Variants in PSMD3 observed in about 807,000 individuals in gnomAD.
The protein encoded by PSMD3 is proteasome 26S subunit, non-ATPase 3.
In PSMD3, 5 loss-of-function variants were observed where a neutral mutation model predicts 62.8. The ratio of observed to expected loss-of-function variants is 0.08; its 90% CI spans 0.04 to 0.17. The LOEUF (loss-of-function observed/expected upper bound fraction) is 0.17, where lower values mean the gene tolerates loss of function less well. Ranked by LOEUF, PSMD3 falls within the 10% of genes least tolerant of loss-of-function variation. PSMD3 has a pLI of 1.00. For missense variants in PSMD3, 524 were observed against 713.6 expected (o/e 0.73, Z 3.03); for synonymous variants, 265 against 283.9 (o/e 0.93, Z 0.67).
In PSMD3 at chr17:39,997,374, T is replaced by C. The variant is rs147851424; in HGVS notation, c.1521T>C (p.Ser507=). ...AATCGTACAACAAGGACTTGGAGTC[T>C]GCAGAGGTAAGCTCTCTGCTTTCTG... is the stretch of plus-strand genomic sequence containing the variant. ...PPKSYNKDLE[S]AEERREREQQ... is the part of the protein sequence containing the mutation. Residue 507 remains serine (S), a synonymous_variant, in exon 11 of 12, where the codon TCT becomes TCC. Coordinates refer to ENST00000264639, the MANE Select transcript of PSMD3 (RefSeq NM_002809.4). The C allele has an allele frequency of 8.7e-6, 14 of 1,614,068 alleles. No individual in the cohort carries two copies. The highest frequency in any genetic ancestry group is 4.5e-5 in the East Asian group (2 of 44,902).
chr17:39,983,180 C>T (rs1980428961), intron 1 of PSMD3, among the ~76,000 whole-genome samples: 1 of 152,030 alleles, frequency 6.6e-6, no homozygotes, highest in Admixed American at 6.6e-5. Context: ...TTACGGTCAC[C>T]CACCACCACG....
At chr17:39,988,438 T>G (rs1418779426) in intron 3 of PSMD3, among the ~76,000 whole-genome samples, 2 of 152,224 alleles carry the variant, frequency 1.3e-5, no homozygotes, top group East Asian at 1.9e-4. Context: ...CTGAGTAATA[T>G]TCCCTCGTGT....
At chr17:39,994,116 T>C (rs1182033186) in intron 6 of PSMD3, 6 of 152,176 alleles carry the variant, frequency 3.9e-5, no homozygotes, top group Admixed American at 6.6e-5. Context: ...AATTAACCAT[T>C]TCCAGGGATT....
In PSMD3 at chr17:39,997,507, C is replaced by T. The variant is rs1479095083; in HGVS notation, c.1531C>T (p.Arg511Trp). 9 of 1,610,246 alleles carry T rather than the reference C, an allele frequency of 5.6e-6. No individual in the cohort carries two copies. The highest frequency in any genetic ancestry group is 5.3e-5 in the African/African-American group (4 of 74,778). The change falls in exon 12 of 12, where the codon CGG becomes TGG. Residue 511 changes from arginine to tryptophan, a missense_variant. Arg to Trp is a moderately radical substitution (Grantham distance 101). Coordinates refer to ENST00000264639, the MANE Select transcript of PSMD3 (RefSeq NM_002809.4). ...YNKDLESAEE[R>W]REREQQDLEF... ...CCTCACTTGCCTCTCTCCCCAGGAA[C>T]GGCGTGAGCGAGAACAGCAGGACTT... is the stretch of plus-strand genomic sequence containing the variant.
intron 3 of PSMD3, among the ~76,000 whole-genome samples, chr17:39,988,243 C>T (rs1227453519): frequency 6.6e-6 from 1 of 152,224 alleles, no homozygotes; most frequent in Non-Finnish European, 1.5e-5. Flanking sequence ...TCATTTTCCC[C>T]TTACCCAGCC....
intron 2 of PSMD3, among the ~76,000 whole-genome samples, chr17:39,985,207 G>A (rs969603196): frequency 5.9e-5 from 9 of 152,094 alleles, no homozygotes; most frequent in African/African-American, 2.2e-4. Flanking sequence ...TAGCCTAGGT[G>A]ACAGGGTGAC....
chr17:39,991,773 C>T (rs1980659972), intron 6 of PSMD3, among the ~76,000 whole-genome samples: 1 of 152,140 alleles, frequency 6.6e-6, no homozygotes, highest in Non-Finnish European at 1.5e-5. Flanking sequence ...AGGTACAGGG[C>T]TCACACCTGT....
intron 6 of PSMD3, among the ~76,000 whole-genome samples, chr17:39,990,468 A>G (rs1393300592): frequency 6.6e-6 from 1 of 151,950 alleles, no homozygotes; most frequent in Non-Finnish European, 1.5e-5. Flanking sequence ...AACTTTTATT[A>G]TTATTTTTTG....
chr17:39,988,101 G>A (rs1386531117), intron 3 of PSMD3, among the ~76,000 whole-genome samples: 2 of 108,094 alleles, frequency 1.9e-5, no homozygotes, highest in African/African-American at 3.9e-5. Context: ...GCGAGACTCC[G>A]TCAAACAAAT....
At position 39,986,221 on chromosome 17, in the gene PSMD3, G is replaced by T. The variant is rs149256301; in HGVS notation, c.412-354G>T. On this transcript the variant is annotated intron_variant, in intron 2 of 11. Coordinates refer to ENST00000264639, the MANE Select transcript of PSMD3 (RefSeq NM_002809.4). ...AGCAGTCCTCCTGCCTCAGCCTCCT[G>T]AGTAGCTGGGAATACAGGTGCATGC... Among the ~76,000 whole-genome samples, 79 of 152,160 alleles carry T rather than the reference G, an allele frequency of 5.2e-4. 1 individual carries two copies. The East Asian group carries it at 0.015, about 29-fold the overall frequency.
In PSMD3 at chr17:39,996,618, T is replaced by C. The variant is rs569231113; in HGVS notation, c.1476+280T>C. On this transcript the variant is annotated intron_variant, in intron 10 of 11. Coordinates refer to ENST00000264639, the MANE Select transcript of PSMD3 (RefSeq NM_002809.4). This position sits in a 1 kb window ranked among gnomAD's most constrained non-coding sequence, Gnocchi z 5.1. ...CGGGGTTCTACATTTGGTTCCAAATTTGAGGCATTTAACTTCTCAAAGCTC... is the reference window on the plus strand; with the variant it reads ...CGGGGTTCTACATTTGGTTCCAAATCTGAGGCATTTAACTTCTCAAAGCTC... 3.3e-6 allele frequency: 2 copies of C among 607,702 alleles called. No homozygotes were observed. Among genetic ancestry groups the C allele is most frequent in the Non-Finnish European group, 6.1e-6 (2 of 325,916 alleles). The allele number at this position is 607,702 out of a possible 1,614,324, so 37.6% of individuals were successfully genotyped here. A position where few individuals can be genotyped will look rare whatever the true frequency, so the allele number is the denominator to read the frequency against.
chr17:39,991,957 C>T (rs11078932), intron 6 of PSMD3, among the ~76,000 whole-genome samples: 30,832 of 148,598 alleles, frequency 0.21, 3,977 homozygotes, highest in African/African-American at 0.36. Flanking sequence ...CCCAGGAAGT[C>T]GAGGCTGCAG....
chr17:39,983,289 C>T (rs1383714375), intron 1 of PSMD3, among the ~76,000 whole-genome samples: 1 of 152,176 alleles, frequency 6.6e-6, no homozygotes, highest in Non-Finnish European at 1.5e-5. Flanking sequence ...TCCTCAGCCT[C>T]CCAAAGTACT....
At chr17:39,988,020 T>C (rs1274705444) in intron 3 of PSMD3, among the ~76,000 whole-genome samples, 1 of 152,180 alleles carries the variant, frequency 6.6e-6, no homozygotes, top group Non-Finnish European at 1.5e-5. Flanking sequence ...GGCAGGGGAA[T>C]TGCTTGAACC....
In PSMD3 at chr17:39,997,313, T is replaced by C. The variant is rs774640914; in HGVS notation, c.1477-17T>C. 6 of 1,613,716 alleles carry C rather than the reference T, an allele frequency of 3.7e-6. No individual in the cohort carries two copies. Among genetic ancestry groups the C allele is most frequent in the Non-Finnish European group, 3.4e-6 (4 of 1,179,744 alleles). Reference sequence around the variant, plus strand: ...GCTTCCTTCCCTCGCTCATCTCCTCTCTTTGCTGTGCCCCAGGCCATGAGG... The same window carrying C: ...GCTTCCTTCCCTCGCTCATCTCCTCCCTTTGCTGTGCCCCAGGCCATGAGG... On this transcript the variant is annotated splice_polypyrimidine_tract_variant and intron_variant, in intron 10 of 11. Transcript: ENST00000264639.
intron 2 of PSMD3, among the ~76,000 whole-genome samples, chr17:39,984,993 C>T (rs1363761729): frequency 6.6e-6 from 1 of 151,958 alleles, no homozygotes; most frequent in Non-Finnish European, 1.5e-5. Context: ...TGAGTCCAGC[C>T]TGGATTCAAA....
At chr17:39,983,971 G>C (rs1015935212) in intron 1 of PSMD3, among the ~76,000 whole-genome samples, 6 of 152,012 alleles carry the variant, frequency 3.9e-5, no homozygotes, top group Non-Finnish European at 8.8e-5. Context: ...AGGCCAAGGC[G>C]GGCAGATCAC....
At chr17:39,991,885 C>T (rs1598314103) in intron 6 of PSMD3, among the ~76,000 whole-genome samples, 2 of 151,898 alleles carry the variant, frequency 1.3e-5, no homozygotes, top group Non-Finnish European at 2.9e-5. Context: ...CCTAGCTGGG[C>T]GTGATGGCAT....
intron 2 of PSMD3, among the ~76,000 whole-genome samples, chr17:39,985,692 C>T (rs1483901180): frequency 6.6e-6 from 1 of 152,196 alleles, no homozygotes; most frequent in Non-Finnish European, 1.5e-5. Flanking sequence ...GCGTACTGTT[C>T]CCCCAACTCC....
Sources: allele counts gnomAD v4.1 joint callset (sites outside exome capture counted in the v4.1 genomes callset), GRCh38; gene constraint gnomAD v4.1.1; non-coding constraint Gnocchi (gnomAD v3.1); transcripts MANE v1.5; gene names NCBI Gene and HGNC (gene_info 2026-07-23, HGNC 2026-07-21).